The following FGGY variants were observed in gnomAD, a reference collection of about 807,000 sequenced individuals.
FGGY encodes FGGY carbohydrate kinase domain-containing protein.
Under a neutral mutation model 71.3 loss-of-function variants are expected in FGGY, and 72 were observed. The observed-to-expected ratio is 1.01, with a 90% CI of 0.84 to 1.23. FGGY has a LOEUF of 1.23. FGGY is among the 50% of genes most tolerant of loss of function. The pLI, the probability that FGGY is intolerant of heterozygous loss-of-function variation, is 0.00. For missense variants in FGGY, 668 were observed against 682.3 expected (o/e 0.98, Z 0.23); for synonymous variants, 251 against 250.3 (o/e 1.00, Z -0.02).
At chr1:59,300,621 G>C (rs1221091818) in intron 1 of FGGY, among the ~76,000 whole-genome samples, 1 of 151,554 alleles carries the variant, frequency 6.6e-6, no homozygotes, top group Non-Finnish European at 1.5e-5. Context: ...TGTCATTTTT[G>C]GTTTTATATT....
At chr1:59,531,613 C>T (rs1409283636) in intron 7 of FGGY, among the ~76,000 whole-genome samples, 1 of 152,146 alleles carries the variant, frequency 6.6e-6, no homozygotes, top group Non-Finnish European at 1.5e-5. Context: ...TCAACATTTC[C>T]ACCATTTTAT....
chr1:59,478,935 T>C lies in FGGY; in HGVS notation c.670+21859T>C, dbSNP rs181534518. 1.2e-4 allele frequency among the ~76,000 whole-genome samples: 19 copies of C among 152,322 alleles called. No homozygotes were observed. In the East Asian group the frequency reaches 2.1e-3, roughly 17 times the overall value. The stretch of plus-strand genomic sequence containing the variant: ...AGGAAGGGAGATAAGGACTGGACAC[T>C]GTTCATTTGATATAGTGACTCGGGG... On this transcript the variant is annotated intron_variant, in intron 6 of 15. Coordinates refer to ENST00000303721, the MANE Select transcript of FGGY (RefSeq NM_018291.5).
At chr1:59,568,481 A>G (rs2095918475) in intron 8 of FGGY, among the ~76,000 whole-genome samples, 1 of 148,150 alleles carries the variant, frequency 6.7e-6, no homozygotes, top group Non-Finnish European at 1.5e-5. Flanking sequence ...GGGTGTTCTT[A>G]TTGTATTACA....
intron 15 of FGGY, among the ~76,000 whole-genome samples, chr1:59,761,177 G>A (rs577050033): frequency 1.3e-5 from 2 of 152,272 alleles, no homozygotes; most frequent in South Asian, 2.1e-4. Context: ...GGCAGAAATA[G>A]TTTAAGTAAC....
intron 14 of FGGY, among the ~76,000 whole-genome samples, chr1:59,721,776 G>A (rs143527028): frequency 1.4e-4 from 21 of 151,688 alleles, no homozygotes; most frequent in African/African-American, 4.9e-4. Context: ...CACCAGTTTG[G>A]AATGCAATGT....
At chr1:59,475,530 C>T (rs2093221767) in intron 6 of FGGY, among the ~76,000 whole-genome samples, 1 of 152,174 alleles carries the variant, frequency 6.6e-6, no homozygotes, top group African/African-American at 2.4e-5. Flanking sequence ...TTCAGTTTTA[C>T]ACTTGGGGAA....
At chr1:59,729,250 G>A (rs191665206) in intron 14 of FGGY, among the ~76,000 whole-genome samples, 48 of 150,560 alleles carry the variant, frequency 3.2e-4, no homozygotes, top group South Asian at 2.7e-3. Flanking sequence ...TAGCATTTTC[G>A]TCTCTCGTTA....
chr1:59,747,341 C>T (rs1467848219), intron 14 of FGGY, among the ~76,000 whole-genome samples: 5 of 152,206 alleles, frequency 3.3e-5, no homozygotes, highest in African/African-American at 4.8e-5. Context: ...CTCAGAGTAT[C>T]ACAACAGAGG....
intron 8 of FGGY, among the ~76,000 whole-genome samples, chr1:59,592,014 G>C (rs986704371): frequency 6.6e-6 from 1 of 152,268 alleles, no homozygotes; most frequent in South Asian, 2.1e-4. Context: ...CCTACAAAAT[G>C]GGTGAAAATT....
intron 7 of FGGY, among the ~76,000 whole-genome samples, chr1:59,516,673 A>G (rs1356349959): frequency 6.6e-6 from 1 of 152,136 alleles, no homozygotes; most frequent in Non-Finnish European, 1.5e-5. Context: ...GGCTAAATGA[A>G]CCCTGTGTTA....
At chr1:59,534,299 C>T (rs375072349) in intron 7 of FGGY, among the ~76,000 whole-genome samples, 136 of 152,036 alleles carry the variant, frequency 8.9e-4, no homozygotes, top group Non-Finnish European at 1.5e-3. Flanking sequence ...TAAAAAGAAA[C>T]GAACAAAGCC....
intron 1 of FGGY, among the ~76,000 whole-genome samples, chr1:59,309,331 A>G (rs2043903425): frequency 2.6e-5 from 4 of 152,192 alleles, no homozygotes; most frequent in Admixed American, 1.3e-4. Flanking sequence ...TCTATGAACT[A>G]TAAGTTTGTA....
At chr1:59,423,845 A>T (rs570940105) in intron 5 of FGGY, among the ~76,000 whole-genome samples, 7 of 152,100 alleles carry the variant, frequency 4.6e-5, no homozygotes, top group Non-Finnish European at 1.0e-4. Flanking sequence ...GCAAACTCCT[A>T]TGCATTCTTT....
intron 14 of FGGY, among the ~76,000 whole-genome samples, chr1:59,726,980 C>G (rs1056604975): frequency 1.3e-5 from 2 of 152,078 alleles, no homozygotes; most frequent in African/African-American, 4.8e-5. Flanking sequence ...GGGTACAGAT[C>G]CTTTCTCCCA....
At chr1:59,705,866 T>C (rs1176323693) in intron 14 of FGGY, among the ~76,000 whole-genome samples, 13 of 152,246 alleles carry the variant, frequency 8.5e-5, no homozygotes, top group Admixed American at 8.5e-4. Flanking sequence ...ATGCAACTGG[T>C]CATCTAAAAC....
At chr1:59,567,011 C>G (rs2095884265) in intron 8 of FGGY, among the ~76,000 whole-genome samples, 1 of 152,004 alleles carries the variant, frequency 6.6e-6, no homozygotes, top group Non-Finnish European at 1.5e-5. Context: ...TAATAGGTGT[C>G]CGTTAAATAA....
chr1:59,577,118 C>T (rs1274089086), intron 8 of FGGY, among the ~76,000 whole-genome samples: 1 of 152,100 alleles, frequency 6.6e-6, no homozygotes, highest in Non-Finnish European at 1.5e-5. Flanking sequence ...CTCATTTTGC[C>T]GCCATCCTTA....
At chr1:59,449,165 A>G (rs1465000872) in intron 5 of FGGY, among the ~76,000 whole-genome samples, 2 of 152,194 alleles carry the variant, frequency 1.3e-5, no homozygotes, top group Non-Finnish European at 2.9e-5. Flanking sequence ...TTTTTGGTGA[A>G]TTGACCCTTT....
intron 3 of FGGY, among the ~76,000 whole-genome samples, chr1:59,341,803 T>C (rs2050758792): frequency 6.6e-6 from 1 of 152,226 alleles, no homozygotes; most frequent in South Asian, 2.1e-4. Flanking sequence ...TGGGAGGCTG[T>C]CAGTATATCT....
Sources: allele counts gnomAD v4.1 joint callset (sites outside exome capture counted in the v4.1 genomes callset), GRCh38; gene constraint gnomAD v4.1.1; transcripts MANE v1.5; gene names NCBI Gene and HGNC (gene_info 2026-07-23, HGNC 2026-07-21).